Variants in FBN3 observed in about 807,000 individuals in gnomAD.
The protein encoded by FBN3 is fibrillin-3.
In FBN3, 234 loss-of-function variants were observed where a neutral mutation model predicts 330.1. The ratio of observed to expected loss-of-function variants is 0.71; its 90% confidence interval spans 0.64 to 0.79. The LOEUF (loss-of-function observed/expected upper bound fraction) is 0.79, where lower values mean the gene tolerates loss of function less well. FBN3 is among the 30% of genes least tolerant of loss of function. The probability of loss-of-function intolerance (pLI) is 0.00; values close to 1 mark genes in which losing one functional copy is unlikely to be tolerated. For synonymous variants in FBN3, 1,458 were observed against 1,517.3 expected, an observed-to-expected ratio of 0.96 and a Z score of 0.91; for missense variants, 3,606 against 3,886.9, an observed-to-expected ratio of 0.93 and a Z score of 1.92.
chr19:8,135,936 G>GAT, intron 13 of FBN3, 25 bp downstream of exon 13: 1 of 668,778 alleles, frequency 1.5e-6, no homozygotes, highest in Non-Finnish European at 2.4e-6. Flanking sequence ...GGAAGCCCCT[G>GAT]CCCACCCGCC....
At chr19:8,133,260 A>AT (rs112342830) in intron 13 of FBN3, among the ~76,000 whole-genome samples, 154 bp from the exon 14 acceptor site, 21,997 of 152,138 alleles carry the variant, frequency 0.14, 1,957 homozygotes, top group South Asian at 0.19. Flanking sequence ...GAGCTTGTAT[A>AT]TTAGTCCGTC....
chr19:8,091,340 A>T, intron 48 of FBN3, 125 bp downstream of exon 48: 1 of 1,301,052 alleles, frequency 7.7e-7, no homozygotes, highest in South Asian at 1.4e-5. Flanking sequence ...TAATGCAAAC[A>T]GACACCTCTG....
chr19:8,074,932 C>CA, intron 61 of FBN3, 139 bp downstream of exon 61: 1 of 1,172,158 alleles, frequency 8.5e-7, no homozygotes, highest in South Asian at 1.6e-5. Context: ...GTGGGGAACT[C>CA]ACTACCTTCT....
intron 13 of FBN3, among the ~76,000 whole-genome samples, chr19:8,134,046 G>A: frequency 7.0e-6 from 1 of 143,118 alleles, no homozygotes. Flanking sequence ...CTAACATGGT[G>A]AAACCCCATC....
chr19:8,108,589 C>T (rs930120555), intron 36 of FBN3, among the ~76,000 whole-genome samples: 1 of 152,048 alleles, frequency 6.6e-6, no homozygotes. Context: ...AAGTTTTCCC[C>T]ATGCAAGGAA....
In FBN3 at chr19:8,121,720, T is replaced by C. The variant is rs984144319; in HGVS notation, c.3083-334A>G. 1.3e-5 allele frequency among the ~76,000 whole-genome samples: 2 copies of C among 152,064 alleles called. No homozygotes were observed. The highest frequency in any genetic ancestry group is 4.8e-5 in the African/African-American group (2 of 41,426). On this transcript the variant is annotated intron_variant, in intron 24 of 63. Coordinates refer to ENST00000600128, the MANE Select transcript of FBN3 (RefSeq NM_032447.5). This position sits in a 1 kb window ranked among gnomAD's most constrained non-coding sequence, Gnocchi z 4.5. ...TTTTGATGGTAGATTTGTTTGTTTGTTTTATTTTATTTTATTTTTATTACT... is the reference window on the plus strand; with the variant it reads ...TTTTGATGGTAGATTTGTTTGTTTGCTTTATTTTATTTTATTTTTATTACT...
Position 8,081,133 on chromosome 19 carries a change from G to A in FBN3, c.7337-14C>T, listed in dbSNP as rs2081772051. The A allele has an allele frequency of 5.6e-6, 9 of 1,606,088 alleles. No individual in the cohort carries two copies. Among genetic ancestry groups the A allele is most frequent in the Non-Finnish European group, 7.7e-6 (9 of 1,173,286 alleles). ...ATTCGTCCAGGTCTGCAGCACGGAT[G>A]GTCCAGCAGGCTCAGGGCAGGGCCC... On this transcript the variant is annotated splice_polypyrimidine_tract_variant and intron_variant, in intron 58 of 63. Coordinates refer to ENST00000600128, the MANE Select transcript of FBN3 (RefSeq NM_032447.5).
intron 24 of FBN3, among the ~76,000 whole-genome samples, chr19:8,122,577 G>T (rs571660434): frequency 1.3e-5 from 2 of 151,928 alleles, no homozygotes; most frequent in Non-Finnish European, 2.9e-5. Context: ...ATGTTGGCCA[G>T]GCTGGTCTCG....
chr19:8,084,825 T>C (rs2081897202), intron 56 of FBN3, among the ~76,000 whole-genome samples: 1 of 151,574 alleles, frequency 6.6e-6, no homozygotes, highest in Non-Finnish European at 1.5e-5. Flanking sequence ...TGACCTCAGG[T>C]GATCCGGCCG....
intron 13 of FBN3, among the ~76,000 whole-genome samples, chr19:8,135,004 G>A (rs2083245888): frequency 6.7e-6 from 1 of 149,848 alleles, no homozygotes; most frequent in Admixed American, 6.7e-5. Flanking sequence ...TTTGAAACAA[G>A]GTCTAGGTCT....
At position 8,075,351 on chromosome 19, in the gene FBN3, G is replaced by T; in HGVS notation, c.7514C>A (p.Thr2505Asn). Residue 2505 changes from threonine (T) to asparagine (N), a missense_variant, in exon 60 of 64, where the codon ACC becomes AAC. Coordinates refer to ENST00000600128, the MANE Select transcript of FBN3 (RefSeq NM_032447.5). ...GCATTCACAGCGGAAGCTGCCCGGG[G>T]TGTTGTGGCAGTGCCCGTGGGCACC... ...PCGAHGHCHNTPGSFRCECHQ... is the reference protein window; with the variant it reads ...PCGAHGHCHNNPGSFRCECHQ... The T allele has an allele frequency of 1.2e-6, 2 of 1,614,228 alleles. No individual in the cohort carries two copies. Among genetic ancestry groups the T allele is most frequent in the African/African-American group, 1.3e-5 (1 of 75,068 alleles).
At position 8,138,446 on chromosome 19, in the gene FBN3, G is replaced by C. The variant is rs1156260378; in HGVS notation, c.984C>G (p.Gly328=). 3 of 1,612,858 alleles carry C rather than the reference G, an allele frequency of 1.9e-6. No homozygotes were observed. Among genetic ancestry groups the C allele is most frequent in the Non-Finnish European group, 2.5e-6 (3 of 1,179,760 alleles). The stretch of plus-strand genomic sequence containing the variant: ...GAGGAGGACACAGCTCAGGGACCGG[G>C]CCAGCTGCCCAGCACCTGCCCCTGT... The part of the protein sequence containing the change: ...CCDRGRCWAA[G]PVPELCPPRG... The change falls in exon 9 of 64, where the codon GGC becomes GGG. Residue 328 remains glycine, a synonymous_variant. Coordinates refer to ENST00000600128, the MANE Select transcript of FBN3 (RefSeq NM_032447.5).
At chr19:8,128,953 C>A in intron 18 of FBN3, 75 bp downstream of exon 18, 1 of 1,532,350 alleles carries the variant, frequency 6.5e-7, no homozygotes, top group South Asian at 1.3e-5. Context: ...CATGCCTGTG[C>A]GTGCACACGC....
At chr19:8,135,444 AT>A (rs1156235707) in intron 13 of FBN3, among the ~76,000 whole-genome samples, 2 of 150,882 alleles carry the variant, frequency 1.3e-5, no homozygotes, top group Non-Finnish European at 2.9e-5. Flanking sequence ...CGCCCAGCTA[AT>A]TTTTTTGTAT....
Position 8,082,317 on chromosome 19 carries a change from T to TTC in FBN3, c.7214-839_7214-838dup, listed in dbSNP as rs1383295517. 1.8e-3 allele frequency among the ~76,000 whole-genome samples: 263 copies of TTC among 149,646 alleles called. 4 individuals are homozygous for TTC. The highest frequency in any genetic ancestry group is 0.011 in the East Asian group (54 of 5,060). On this transcript the variant is annotated intron_variant, in intron 57 of 63. Coordinates refer to ENST00000600128, the MANE Select transcript of FBN3 (RefSeq NM_032447.5). ...CCTTTCTCTCTTTCTCCCTTTCTCT[T>TTC]TCTTTCTTTCTGTTTCTTTCTCTTT... is the stretch of plus-strand genomic sequence containing the variant.
Position 8,089,948 on chromosome 19 carries a change from C to T in FBN3, c.6196G>A (p.Glu2066Lys). 1.2e-6 allele frequency: 2 copies of T among 1,610,690 alleles called. No individual in the cohort carries two copies. The highest frequency in any genetic ancestry group is 1.7e-6 in the Non-Finnish European group (2 of 1,178,984). The change falls in exon 50 of 64, where the codon GAG (glutamate) becomes AAG (lysine). Residue 2066 changes from glutamate (E) to lysine (K), a missense_variant. Coordinates refer to ENST00000600128, the MANE Select transcript of FBN3 (RefSeq NM_032447.5). Reference sequence around the variant, plus strand: ...GCCCCGTGGCCAAAGGGGCAGAGCTCCTGAAAGGCAGCTGGACGGAGAGGG... The same window carrying T: ...GCCCCGTGGCCAAAGGGGCAGAGCTTCTGAAAGGCAGCTGGACGGAGAGGG... ...CPQEGSAAFQ[E>K]LCPFGHGAVP...
At chr19:8,141,456 C>T (rs1459429694) in intron 8 of FBN3, among the ~76,000 whole-genome samples, 1 of 152,066 alleles carries the variant, frequency 6.6e-6, no homozygotes, top group African/African-American at 2.4e-5. Context: ...CCTCGGTTCA[C>T]TCAGGCAGTG....
Position 8,126,424 on chromosome 19 carries a change from G to A in FBN3, c.2554+44C>T, listed in dbSNP as rs1023551942. On this transcript the variant is annotated intron_variant, in intron 20 of 63. Coordinates refer to ENST00000600128, the MANE Select transcript of FBN3 (RefSeq NM_032447.5). ...CCAAGGGGGGACCCGCCCCATGGAG[G>A]GCTTTTCCCATGGGTGCCTGGGAGG... is the stretch of plus-strand genomic sequence containing the variant. The A allele has an allele frequency of 2.5e-6, 4 of 1,598,400 alleles. No individual in the cohort carries two copies. In the South Asian group the frequency reaches 3.4e-5, roughly 13 times the overall value.
Position 8,109,672 on chromosome 19 carries a change from GGGCAGCTGCAGA to G in FBN3, c.4403_4414del (p.Leu1468_Cys1471del). On this transcript the variant is annotated inframe_deletion, in exon 35 of 64. Transcript: ENST00000600128. The surrounding 1 kb of genome is among the most constrained non-coding windows in gnomAD (Gnocchi z 5.2). ...GCTGGGGTTCAGCTCAAAATCCTGG[GGGCAGCTGCAGA>G]GGTAGCTGCCGGGGGTGTTAATGCA... 6.3e-7 allele frequency: 1 copy of G among 1,580,336 alleles called. No individual in the cohort carries two copies. The highest frequency in any genetic ancestry group is 8.6e-7 in the Non-Finnish European group (1 of 1,164,470).
Sources: allele counts gnomAD v4.1 joint callset (sites outside exome capture counted in the v4.1 genomes callset), GRCh38; gene constraint gnomAD v4.1.1; non-coding constraint Gnocchi (gnomAD v3.1); transcripts MANE v1.5; gene names NCBI Gene and HGNC (gene_info 2026-07-23, HGNC 2026-07-21).